Variants in KRT9 observed in about 807,000 individuals in gnomAD.
KRT9 encodes keratin 9, also known as keratin, type I cytoskeletal 9.
Under a neutral mutation model 51.4 loss-of-function variants are expected in KRT9, and 34 were observed. That is an observed-to-expected ratio of 0.66 (90% CI 0.50 to 0.88). The LOEUF (loss-of-function observed/expected upper bound fraction) is 0.88, where lower values mean the gene tolerates loss of function less well. KRT9 is among the 40% of genes least tolerant of loss of function. The pLI is 0.00. For synonymous variants in KRT9, 292 were observed against 289.7 expected, an observed-to-expected ratio of 1.01 and a Z score of -0.08; for missense variants, 753 against 790.3, an observed-to-expected ratio of 0.95 and a Z score of 0.57.
At position 41,571,900 on chromosome 17, in the gene KRT9, G is replaced by A. The variant is rs759498725; in HGVS notation, c.93C>T (p.Ser31=). 1.0e-5 allele frequency: 16 copies of A among 1,607,510 alleles called. No individual in the cohort carries two copies. Among genetic ancestry groups the A allele is most frequent in the Non-Finnish European group, 1.3e-5 (15 of 1,177,372 alleles). Residue 31 remains serine, a synonymous_variant, in exon 1 of 8, where the codon TCC becomes TCT. Coordinates refer to ENST00000246662, the MANE Select transcript of KRT9 (RefSeq NM_000226.4). The stretch of plus-strand genomic sequence containing the variant: ...CCCCTGAGGAGCTGAAGCGGCTGTA[G>A]GAAGACCTTATGCTGCCCCCGCTGC... ...GLGSGGSIRS[S]YSRFSSSGGG... is the part of the protein sequence containing the mutation.
Position 41,571,895 on chromosome 17 carries a change from C to A in KRT9, c.98G>T (p.Ser33Ile), listed in dbSNP as rs770476129. ...ACCGCCCCCTGAGGAGCTGAAGCGG[C>A]TGTAGGAAGACCTTATGCTGCCCCC... Reference protein sequence around the residue: ...GSGGSIRSSYSRFSSSGGGGG... With the variant: ...GSGGSIRSSYIRFSSSGGGGG... Residue 33 changes from serine (S) to isoleucine (I), a missense_variant, in exon 1 of 8, where the codon AGC (serine) becomes ATC (isoleucine). Physicochemically the swap from Ser to Ile is moderately radical, Grantham distance 142 (BLOSUM62 -2). Transcript: ENST00000246662. The A allele has an allele frequency of 3.1e-6, 5 of 1,608,882 alleles. No homozygotes were observed. Among genetic ancestry groups the A allele is most frequent in the Non-Finnish European group, 1.7e-6 (2 of 1,178,030 alleles).
Position 41,571,721 on chromosome 17 carries a change from C to G in KRT9, c.272G>C (p.Gly91Ala), listed in dbSNP as rs1413277294. Residue 91 changes from glycine (G) to alanine (A), a missense_variant, in exon 1 of 8, where the codon GGG becomes GCG. Physicochemically the swap from Gly to Ala is moderately conservative, Grantham distance 60. This residue lies in a region of KRT9 where 241 missense variants were observed against 210.3 expected (regional missense o/e 1.15). Coordinates refer to ENST00000246662, the MANE Select transcript of KRT9 (RefSeq NM_000226.4). ...ACCACCAAAACCTCTGGAACCACCC[C>G]CAAAGCCACCGCCTAAACTACTGGC... ...FSASSLGGGF[G>A]GGSRGFGGAS... The G allele has an allele frequency of 1.2e-6, 2 of 1,612,334 alleles. No individual in the cohort carries two copies. The highest frequency in any genetic ancestry group is 1.7e-5 in the Admixed American group (1 of 59,894).
intron 4 of KRT9, 74 bp downstream of exon 4, chr17:41,569,352 A>C: frequency 7.1e-7 from 1 of 1,417,764 alleles, no homozygotes; most frequent in Non-Finnish European, 9.8e-7. Flanking sequence ...AGGATGAAGG[A>C]ATGGGAGGTG....
chr17:41,571,434 C>T lies in KRT9; in HGVS notation c.559G>A (p.Asp187Asn). Residue 187 changes from aspartate to asparagine, a missense_variant, in exon 1 of 8, where the codon GAT becomes AAT. Physicochemically the swap from Asp to Asn is conservative, Grantham distance 23. Around this residue, in one of 3 missense-constraint regions of KRT9, gnomAD observed 507 missense variants for 563.7 expected, o/e 0.90. Coordinates refer to ENST00000246662, the MANE Select transcript of KRT9 (RefSeq NM_000226.4). The part of the protein sequence containing the change: ...ANNDLENKIQ[D>N]WYDKKGPAAI... ...GCAGGTCCCTTCTTGTCGTACCAATCCTGGATCTTATTCTCCAGGTCGTTG... is the reference window on the plus strand; with the variant it reads ...GCAGGTCCCTTCTTGTCGTACCAATTCTGGATCTTATTCTCCAGGTCGTTG... The T allele has an allele frequency of 6.2e-7, 1 of 1,614,048 alleles. No individual in the cohort carries two copies. The highest frequency in any genetic ancestry group is 1.3e-5 in the African/African-American group (1 of 74,982).
Position 41,570,122 on chromosome 17 carries a change from G to A in KRT9, c.725+16C>T, listed in dbSNP as rs1470306423. ...AAGGGCTGATGACAGGAGAGGAGAA[G>A]AGGAGCAGGACTCACTTTATCCTGA... is the stretch of plus-strand genomic sequence containing the variant. On this transcript the variant is annotated intron_variant, in intron 2 of 7. Transcript: ENST00000246662. The A allele has an allele frequency of 6.2e-7, 1 of 1,613,290 alleles. No individual in the cohort carries two copies. Among genetic ancestry groups the A allele is most frequent in the African/African-American group, 1.3e-5 (1 of 75,046 alleles).
Position 41,569,449 on chromosome 17 carries a change from T to C in KRT9, c.1021A>G (p.Ile341Val), listed in dbSNP as rs201833191. The change falls in exon 4 of 8, where the codon ATC becomes GTC. Residue 341 changes from isoleucine to valine, a missense_variant. Physicochemically the swap from Ile to Val is conservative, Grantham distance 29 (BLOSUM62 3). Coordinates refer to ENST00000246662, the MANE Select transcript of KRT9 (RefSeq NM_000226.4). ...ACCTGAGTCTCATATTGATTCTCGATGTCCTTTCTGTTCTTAGCAATGAGC... is the reference window on the plus strand; with the variant it reads ...ACCTGAGTCTCATATTGATTCTCGACGTCCTTTCTGTTCTTAGCAATGAGC... ...EQLIAKNRKD[I>V]ENQYETQITQ... 111 of 1,614,008 alleles carry C rather than the reference T, an allele frequency of 6.9e-5. No individual in the cohort carries two copies. Among genetic ancestry groups the C allele is most frequent in the Middle Eastern group, 1.6e-4 (1 of 6,076 alleles).
intron 3 of KRT9, 63 bp from the exon 4 acceptor site, chr17:41,569,650 C>G: frequency 6.3e-7 from 1 of 1,596,544 alleles, no homozygotes; most frequent in Non-Finnish European, 8.6e-7. Flanking sequence ...TTTCAGAATT[C>G]TCCCTCTGGT....
chr17:41,570,024 C>G lies in KRT9; in HGVS notation c.726-9G>C. 6.2e-7 allele frequency: 1 copy of G among 1,613,942 alleles called. No individual in the cohort carries two copies. The highest frequency in any genetic ancestry group is 8.5e-7 in the Non-Finnish European group (1 of 1,180,000). ...TTTGCTCCATCTCAAACCTGCAGAC[C>G]AGCCAGGGTTAGAAAACAATCAAGA... On this transcript the variant is annotated splice_polypyrimidine_tract_variant and intron_variant, in intron 2 of 7. Coordinates refer to ENST00000246662, the MANE Select transcript of KRT9 (RefSeq NM_000226.4).
chr17:41,571,439 AT>A lies in KRT9; in HGVS notation c.553del (p.Ile185SerfsTer34), dbSNP rs760184141. On this transcript the variant is annotated frameshift_variant, in exon 1 of 8. Transcript: ENST00000246662. LOFTEE classifies it high-confidence loss of function. ...EEANNDLENK[I>X]QDWYDKKGPA... ...TCCCTTCTTGTCGTACCAATCCTGGATCTTATTCTCCAGGTCGTTGTTGGCC... is the reference window on the plus strand; with the variant it reads ...TCCCTTCTTGTCGTACCAATCCTGGACTTATTCTCCAGGTCGTTGTTGGCC... 2 of 1,613,876 alleles carry A rather than the reference AT, an allele frequency of 1.2e-6. No homozygotes were observed. The highest frequency in any genetic ancestry group is 3.3e-5 in the Admixed American group (2 of 59,980).
intron 6 of KRT9, 49 bp downstream of exon 6, chr17:41,568,113 C>CA: frequency 1.3e-6 from 2 of 1,494,440 alleles, no homozygotes; most frequent in South Asian, 2.3e-5. Flanking sequence ...GAAGTAGTAT[C>CA]AGAGGCCTAG....
At position 41,571,833 on chromosome 17, in the gene KRT9, C is replaced by A; in HGVS notation, c.160G>T (p.Gly54Cys). ...CCACAGACACGAGAGCTTCCCCCACCATAGCCACTAGAAGAGCTGAATCGG... is the reference window on the plus strand; with the variant it reads ...CCACAGACACGAGAGCTTCCCCCACAATAGCCACTAGAAGAGCTGAATCGG... ...GGRFSSSSGYGGGSSRVCGRG... is the reference protein window; with the variant it reads ...GGRFSSSSGYCGGSSRVCGRG... Residue 54 changes from glycine (G) to cysteine (C), a missense_variant, in exon 1 of 8, where the codon GGT becomes TGT. This residue lies in a region of KRT9 where 241 missense variants were observed against 210.3 expected (regional missense o/e 1.15). Coordinates refer to ENST00000246662, the MANE Select transcript of KRT9 (RefSeq NM_000226.4). 6.2e-7 allele frequency: 1 copy of A among 1,613,012 alleles called. No individual in the cohort carries two copies. The highest frequency in any genetic ancestry group is 1.1e-5 in the South Asian group (1 of 90,992).
intron 3 of KRT9, 90 bp from the exon 4 acceptor site, chr17:41,569,677 A>G (rs1907008765): frequency 6.4e-7 from 1 of 1,555,444 alleles, no homozygotes; most frequent in Non-Finnish European, 8.9e-7. Context: ...AGGGTACAAA[A>G]AGGGGACACA....
At chr17:41,571,078 C>T (rs1361336794) in intron 1 of KRT9, among the ~76,000 whole-genome samples, 1 of 119,068 alleles carries the variant, frequency 8.4e-6, no homozygotes, top group African/African-American at 2.7e-5. Context: ...CACATCCAGT[C>T]CCAGCTCAGC....
At chr17:41,570,315 C>T (rs573014560) in intron 1 of KRT9, 95 bp from the exon 2 acceptor site, 1 of 1,027,276 alleles carries the variant, frequency 9.7e-7, no homozygotes, top group Non-Finnish European at 1.5e-6. Context: ...AGGATTCCAT[C>T]CAGGAAGATT....
intron 3 of KRT9, 59 bp downstream of exon 3, chr17:41,569,800 C>G: frequency 6.2e-7 from 1 of 1,601,928 alleles, no homozygotes; most frequent in East Asian, 2.2e-5. Context: ...AGCTCCCCTG[C>G]TGTCTCTGCA....
intron 6 of KRT9, 26 bp downstream of exon 6, chr17:41,568,136 G>T: frequency 6.3e-7 from 1 of 1,593,776 alleles, no homozygotes; most frequent in Non-Finnish European, 8.6e-7. Flanking sequence ...ACCCCCAGGG[G>T]TTCCACCAAA....
chr17:41,569,305 G>A (rs1436580329), intron 4 of KRT9, 121 bp downstream of exon 4: 9 of 1,009,636 alleles, frequency 8.9e-6, no homozygotes, highest in Non-Finnish European at 4.6e-6. Flanking sequence ...TTGGAAGATG[G>A]ATAAATGACA....
In KRT9 at chr17:41,568,336, C is replaced by G; in HGVS notation, c.1220G>C (p.Gly407Ala). ...CTGCTCCTGGATCATCTGCAGCTGG[C>G]CACAGTAGCGGTTCTTCGTGTCTTC... ...SLEDTKNRYC[G>A]QLQMIQEQIS... The change falls in exon 6 of 8, where the codon GGC (glycine) becomes GCC (alanine). Residue 407 changes from glycine to alanine, a missense_variant. Gly to Ala is a moderately conservative substitution (Grantham distance 60). Around this residue, in one of 3 missense-constraint regions of KRT9, gnomAD observed 507 missense variants for 563.7 expected, o/e 0.90. Transcript: ENST00000246662. 6.2e-7 allele frequency: 1 copy of G among 1,614,182 alleles called. No individual in the cohort carries two copies. The highest frequency in any genetic ancestry group is 8.5e-7 in the Non-Finnish European group (1 of 1,180,024).
intron 2 of KRT9, 41 bp from the exon 3 acceptor site, chr17:41,570,056 C>T: frequency 1.2e-6 from 2 of 1,613,790 alleles, no homozygotes; most frequent in Non-Finnish European, 8.5e-7. Context: ...AAGAGGGAAC[C>T]AGGCCCTACC....
Sources: gnomAD v4.1 joint callset for allele counts (sites outside exome capture counted in the v4.1 genomes callset) on GRCh38, gnomAD v4.1.1 for gene constraint, gnomAD v4.1.1 regional missense constraint, MANE v1.5 for transcripts, NCBI Gene and HGNC (gene_info 2026-07-23, HGNC 2026-07-21) for gene names.